The following SHROOM3 variants were observed in gnomAD, a reference collection of about 807,000 sequenced individuals.
The protein encoded by SHROOM3 is protein Shroom3.
SHROOM3 carries 47 observed loss-of-function variants against 138.6 expected under a neutral mutation model. That is an observed-to-expected ratio of 0.34 (90% CI 0.27 to 0.43). The LOEUF (loss-of-function observed/expected upper bound fraction) is 0.43, where lower values mean the gene tolerates loss of function less well. Ranked by LOEUF, SHROOM3 falls within the 20% of genes least tolerant of loss-of-function variation. The pLI is 1.00. For missense variants in SHROOM3, 2,491 were observed against 2,596.5 expected, an observed-to-expected ratio of 0.96 and a Z score of 0.88; for synonymous variants, 1,062 against 1,063.3, an observed-to-expected ratio of 1.00 and a Z score of 0.02.
chr4:76,736,329 T>G (rs1454626009), intron 4 of SHROOM3, among the ~76,000 whole-genome samples: 1 of 152,188 alleles, frequency 6.6e-6, no homozygotes, highest in East Asian at 1.9e-4. Context: ...CCTTTCTCCC[T>G]TGAATTTATA....
chr4:76,455,879 T>C (rs1731017489), intron 1 of SHROOM3, among the ~76,000 whole-genome samples: 1 of 152,170 alleles, frequency 6.6e-6, no homozygotes, highest in South Asian at 2.1e-4. Context: ...TGTCCCTCAG[T>C]ATCAGTGAGG....
At chr4:76,731,534 AC>A (rs1720883306) in intron 4 of SHROOM3, among the ~76,000 whole-genome samples, 1 of 152,178 alleles carries the variant, frequency 6.6e-6, no homozygotes, top group Non-Finnish European at 1.5e-5. Flanking sequence ...TAATCCCAGC[AC>A]TTTGGGAGGC....
At chr4:76,646,134 G>A (rs1735808852) in intron 2 of SHROOM3, among the ~76,000 whole-genome samples, 1 of 150,338 alleles carries the variant, frequency 6.7e-6, no homozygotes, top group Non-Finnish European at 1.5e-5. Context: ...ATGAGTTAAC[G>A]GGTGCAGCAC....
At chr4:76,527,309 G>A (rs970385896) in intron 1 of SHROOM3, among the ~76,000 whole-genome samples, 2 of 152,190 alleles carry the variant, frequency 1.3e-5, no homozygotes, top group African/African-American at 4.8e-5. Flanking sequence ...CAGGCTGGGC[G>A]CGGTGGCTCA....
intron 9 of SHROOM3, among the ~76,000 whole-genome samples, chr4:76,764,633 GGTTGA>G (rs762245184): frequency 1.4e-4 from 21 of 152,170 alleles, no homozygotes; most frequent in African/African-American, 4.6e-4. Flanking sequence ...TGGGATTCTG[GGTTGA>G]GTTGACTCTT....
chr4:76,653,870 G>C (rs1028844642), intron 2 of SHROOM3, among the ~76,000 whole-genome samples: 1 of 152,096 alleles, frequency 6.6e-6, no homozygotes, highest in Non-Finnish European at 1.5e-5. Context: ...TGCTCAGCTC[G>C]TTCATTTTAT....
intron 1 of SHROOM3, among the ~76,000 whole-genome samples, chr4:76,548,079 T>A (rs1026077607): frequency 6.6e-6 from 1 of 152,068 alleles, no homozygotes; most frequent in Non-Finnish European, 1.5e-5. Flanking sequence ...CGAATTTGTG[T>A]AAGACCTGGA....
At chr4:76,502,802 T>C (rs993228337) in intron 1 of SHROOM3, among the ~76,000 whole-genome samples, 3 of 152,266 alleles carry the variant, frequency 2.0e-5, no homozygotes, top group Admixed American at 2.0e-4. Flanking sequence ...TCATTTGGAA[T>C]TGATTTTTGT....
chr4:76,541,901 C>T (rs912585232), intron 1 of SHROOM3, among the ~76,000 whole-genome samples: 1 of 152,088 alleles, frequency 6.6e-6, no homozygotes. Flanking sequence ...GGTACTAAAA[C>T]GGGATGGAGC....
At chr4:76,520,215 C>T (rs1732533599) in intron 1 of SHROOM3, among the ~76,000 whole-genome samples, 1 of 152,136 alleles carries the variant, frequency 6.6e-6, no homozygotes, top group Admixed American at 6.6e-5. Flanking sequence ...TATTATATCT[C>T]TTTCCAGGGT....
At chr4:76,549,429 A>T (rs9995957) in intron 1 of SHROOM3, among the ~76,000 whole-genome samples, 25 of 150,820 alleles carry the variant, frequency 1.7e-4, no homozygotes, top group East Asian at 3.9e-4. Flanking sequence ...AGTGCAGTGG[A>T]GCGATCTTGG....
intron 9 of SHROOM3, among the ~76,000 whole-genome samples, chr4:76,764,971 T>C (rs1722099642): frequency 6.6e-6 from 1 of 152,190 alleles, no homozygotes; most frequent in Non-Finnish European, 1.5e-5. Flanking sequence ...AGTGATACAG[T>C]ATTTCAATGA....
intron 2 of SHROOM3, among the ~76,000 whole-genome samples, chr4:76,600,082 G>T (rs1011538826): frequency 2.6e-5 from 4 of 152,156 alleles, no homozygotes; most frequent in African/African-American, 9.7e-5. Flanking sequence ...AGCCCAGGAG[G>T]TCAAGGCTGC....
chr4:76,650,689 C>T lies in SHROOM3; in HGVS notation c.324-59467C>T, dbSNP rs762116279. Among the ~76,000 whole-genome samples, 157 of 152,130 alleles carry T rather than the reference C, an allele frequency of 1.0e-3. 1 individual carries two copies. Among genetic ancestry groups the T allele is most frequent in the African/African-American group, 3.7e-3 (153 of 41,522 alleles). ...CCTCCCAAGTAGCTGGGATTACAGGCGTATGCCACCACGCCCAGCTAATTT... is the reference window on the plus strand; with the variant it reads ...CCTCCCAAGTAGCTGGGATTACAGGTGTATGCCACCACGCCCAGCTAATTT... On this transcript the variant is annotated intron_variant, in intron 2 of 10. Coordinates refer to ENST00000296043, the MANE Select transcript of SHROOM3 (RefSeq NM_020859.4).
chr4:76,440,368 T>C (rs11736785), intron 1 of SHROOM3, among the ~76,000 whole-genome samples: 23,953 of 152,144 alleles, frequency 0.16, 1,927 homozygotes, highest in South Asian at 0.23. Context: ...CCAGAGTCCA[T>C]GCGCCTCACA....
rs1219019460 is a variant in SHROOM3, at chr4:76,739,016, G to C, written c.843G>C (p.Glu281Asp). The C allele has an allele frequency of 3.1e-6, 5 of 1,614,240 alleles. No homozygotes were observed. The South Asian group carries it at 5.5e-5, about 18-fold the overall frequency. ...EYPHPGISGRERSGSMDNTSA... is the reference protein window; with the variant it reads ...EYPHPGISGRDRSGSMDNTSA... ...CACACCCTGGCATCTCTGGCCGGGA[G>C]CGTTCAGGCTCCATGGACAATACTT... is the stretch of plus-strand genomic sequence containing the variant. The change falls in exon 5 of 11, where the codon GAG becomes GAC. Residue 281 changes from glutamate to aspartate, a missense_variant. Physicochemically the swap from Glu to Asp is conservative, Grantham distance 45. Coordinates refer to ENST00000296043, the MANE Select transcript of SHROOM3 (RefSeq NM_020859.4).
At chr4:76,633,184 A>C (rs1265189577) in intron 2 of SHROOM3, among the ~76,000 whole-genome samples, 1 of 151,560 alleles carries the variant, frequency 6.6e-6, no homozygotes, top group Non-Finnish European at 1.5e-5. Context: ...CATCCTGGCT[A>C]ACTTGGTGAG....
At chr4:76,526,120 C>T (rs189582816) in intron 1 of SHROOM3, among the ~76,000 whole-genome samples, 2 of 152,198 alleles carry the variant, frequency 1.3e-5, no homozygotes, top group African/African-American at 4.8e-5. Flanking sequence ...GTAATCCCAG[C>T]GTTTTGGGAG....
chr4:76,751,817 T>A (rs1252547647), intron 6 of SHROOM3, among the ~76,000 whole-genome samples: 1 of 151,972 alleles, frequency 6.6e-6, no homozygotes, highest in Non-Finnish European at 1.5e-5. Context: ...ACAACCAGTG[T>A]TGGTGAGGAT....
Sources: allele counts gnomAD v4.1 joint callset (sites outside exome capture counted in the v4.1 genomes callset), GRCh38; gene constraint gnomAD v4.1.1; transcripts MANE v1.5; gene names NCBI Gene and HGNC (gene_info 2026-07-23, HGNC 2026-07-21).